Variants in ANKRD10 observed in about 807,000 individuals in gnomAD.
The protein encoded by ANKRD10 is ankyrin repeat domain 10, also known as ankyrin repeat domain-containing protein 10.
In ANKRD10, 14 loss-of-function variants were observed where a neutral mutation model predicts 27.0. That is an observed-to-expected ratio of 0.52 (90% CI 0.34 to 0.81). ANKRD10 has a LOEUF of 0.81. ANKRD10 is among the 40% of genes least tolerant of loss of function. The probability of loss-of-function intolerance (pLI) is 0.01; values close to 1 mark genes in which losing one functional copy is unlikely to be tolerated. For missense variants in ANKRD10, 493 were observed against 544.0 expected, an observed-to-expected ratio of 0.91 and a Z score of 0.93; for synonymous variants, 250 against 224.5, an observed-to-expected ratio of 1.11 and a Z score of -1.01.
intron 3 of ANKRD10, among the ~76,000 whole-genome samples, chr13:110,903,723 A>G (rs542947103): frequency 6.6e-6 from 1 of 152,230 alleles, no homozygotes; most frequent in Non-Finnish European, 1.5e-5. Context: ...TAATACTGAT[A>G]TAAGGCAGCT....
intron 1 of ANKRD10, among the ~76,000 whole-genome samples, chr13:110,912,463 A>G (rs2065744809): frequency 6.6e-6 from 1 of 152,242 alleles, no homozygotes; most frequent in African/African-American, 2.4e-5. Context: ...TTAATTAGCG[A>G]TAAGATGAAC....
Position 110,915,049 on chromosome 13 carries a change from A to C in ANKRD10, c.-115T>G. ...GACTAGCGCCGCGGTCGCGTCCCAC[A>C]GGCTGCCGAGCGGAGCGCGCACAGA... On this transcript the variant is annotated 5_prime_UTR_variant, in exon 1 of 6. Transcript: ENST00000267339. 1 of 1,422,938 alleles carries C rather than the reference A, an allele frequency of 7.0e-7. No individual in the cohort carries two copies. The highest frequency in any genetic ancestry group is 9.1e-7 in the Non-Finnish European group (1 of 1,092,932). 88.1% of individuals were successfully genotyped at this position (1,422,938 alleles called of 1,614,324 possible). A position where few individuals can be genotyped will look rare whatever the true frequency, so the allele number is the denominator to read the frequency against.
chr13:110,897,544 G>T lies in ANKRD10; in HGVS notation c.456-4281C>A, dbSNP rs540524931. 8.6e-5 allele frequency among the ~76,000 whole-genome samples: 13 copies of T among 151,856 alleles called. 1 individual carries two copies. In the South Asian group the frequency reaches 2.5e-3, roughly 29 times the overall value. Reference sequence around the variant, plus strand: ...ATGTTGCTGAGAATAACAGAATTTTGTTTTTTTAATGGCCAAATAGTATTC... The same window carrying T: ...ATGTTGCTGAGAATAACAGAATTTTTTTTTTTTAATGGCCAAATAGTATTC... On this transcript the variant is annotated intron_variant, in intron 3 of 5. Coordinates refer to ENST00000267339, the MANE Select transcript of ANKRD10 (RefSeq NM_017664.4).
At chr13:110,909,810 C>T (rs959546256) in intron 2 of ANKRD10, among the ~76,000 whole-genome samples, 1 of 152,152 alleles carries the variant, frequency 6.6e-6, no homozygotes. Flanking sequence ...AGTAGAAAGA[C>T]GACTTTGCAT....
chr13:110,906,916 C>T (rs1040086165), intron 2 of ANKRD10, among the ~76,000 whole-genome samples: 20 of 151,622 alleles, frequency 1.3e-4, no homozygotes, highest in African/African-American at 4.9e-4. Context: ...GCAGTCAACC[C>T]AGGTCTACAC....
At chr13:110,900,540 T>C in intron 3 of ANKRD10, 1 of 1,341,032 alleles carries the variant, frequency 7.5e-7, no homozygotes, top group Non-Finnish European at 9.8e-7. Flanking sequence ...CTCAACAGTA[T>C]GCCTCGTGTG....
At position 110,907,001 on chromosome 13, in the gene ANKRD10, C is replaced by T. The variant is rs1329563948; in HGVS notation, c.364-877G>A. 5.9e-5 allele frequency among the ~76,000 whole-genome samples: 9 copies of T among 152,226 alleles called. 1 individual carries two copies. In the East Asian group the frequency reaches 1.7e-3, roughly 29 times the overall value. ...GCAAGAGAGGGGAAAGGCAATCAGA[C>T]ACAGCAATCAAGAGAAGAAAGTGCT... On this transcript the variant is annotated intron_variant, in intron 2 of 5. Coordinates refer to ENST00000267339, the MANE Select transcript of ANKRD10 (RefSeq NM_017664.4).
At chr13:110,906,859 G>C (rs1287149537) in intron 2 of ANKRD10, among the ~76,000 whole-genome samples, 2 of 152,114 alleles carry the variant, frequency 1.3e-5, no homozygotes, top group Non-Finnish European at 2.9e-5. Context: ...AGCACACACA[G>C]AGGCAGAGAA....
At chr13:110,898,245 T>C (rs987609053) in intron 3 of ANKRD10, among the ~76,000 whole-genome samples, 3 of 152,234 alleles carry the variant, frequency 2.0e-5, no homozygotes, top group African/African-American at 4.8e-5. Context: ...ACTTCAAAGT[T>C]TGAGTTCCTC....
intron 1 of ANKRD10, 89 bp from the exon 2 acceptor site, chr13:110,910,859 A>G: frequency 7.5e-7 from 1 of 1,331,242 alleles, no homozygotes; most frequent in Non-Finnish European, 1.0e-6. Context: ...TATAATGGTG[A>G]CAAATGGCAT....
chr13:110,888,031 T>G (rs150467770), intron 4 of ANKRD10, among the ~76,000 whole-genome samples: 2 of 152,154 alleles, frequency 1.3e-5, no homozygotes, highest in Admixed American at 6.5e-5. Context: ...AAAACCAAAT[T>G]GTTTTTCTAT....
At chr13:110,912,412 A>C (rs1346352375) in intron 1 of ANKRD10, among the ~76,000 whole-genome samples, 3 of 152,246 alleles carry the variant, frequency 2.0e-5, no homozygotes, top group Non-Finnish European at 4.4e-5. Flanking sequence ...GCTGATGTCT[A>C]TTTATTGCCT....
chr13:110,905,874 C>T (rs2065517362), intron 3 of ANKRD10, among the ~76,000 whole-genome samples, 159 bp downstream of exon 3: 1 of 152,166 alleles, frequency 6.6e-6, no homozygotes, highest in African/African-American at 2.4e-5. Flanking sequence ...ATTTAATCCA[C>T]ACAATTTTCC....
At chr13:110,892,549 G>C in intron 4 of ANKRD10, 2 of 192,306 alleles carry the variant, frequency 1.0e-5, no homozygotes, top group Non-Finnish European at 1.9e-5. Flanking sequence ...GAGGTACAGA[G>C]ACCACTGAGG....
At chr13:110,900,890 T>C (rs1049818012) in intron 3 of ANKRD10, among the ~76,000 whole-genome samples, 2 of 152,238 alleles carry the variant, frequency 1.3e-5, no homozygotes, top group African/African-American at 4.8e-5. Context: ...GTGACCACCT[T>C]GACCATGAGC....
intron 5 of ANKRD10, among the ~76,000 whole-genome samples, chr13:110,882,345 T>A (rs1846609729): frequency 6.6e-6 from 1 of 152,212 alleles, no homozygotes. Flanking sequence ...AAGCTTCCAG[T>A]GGACGTGGAG....
At chr13:110,889,555 T>C (rs908656002) in intron 4 of ANKRD10, among the ~76,000 whole-genome samples, 1 of 152,240 alleles carries the variant, frequency 6.6e-6, no homozygotes, top group South Asian at 2.1e-4. Context: ...AGGCCAAGTC[T>C]TTCTTCTTCA....
chr13:110,895,203 T>C (rs1031418400), intron 3 of ANKRD10: 4 of 152,034 alleles, frequency 2.6e-5, no homozygotes, highest in African/African-American at 9.7e-5. Flanking sequence ...AATAAAAATA[T>C]GAAATAAAGC....
chr13:110,901,152 G>T (rs2065369742), intron 3 of ANKRD10, among the ~76,000 whole-genome samples: 1 of 151,996 alleles, frequency 6.6e-6, no homozygotes, highest in East Asian at 1.9e-4. Flanking sequence ...CATTTGTAAA[G>T]ATAAAACATT....
Sources: allele counts gnomAD v4.1 joint callset (sites outside exome capture counted in the v4.1 genomes callset), GRCh38; gene constraint gnomAD v4.1.1; transcripts MANE v1.5; gene names NCBI Gene and HGNC (gene_info 2026-07-23, HGNC 2026-07-21).